Variants in STX8 observed in about 807,000 individuals in gnomAD.
STX8 encodes syntaxin-8.
In STX8, 23 loss-of-function variants were observed where a neutral mutation model predicts 37.5. The ratio of observed to expected loss-of-function variants is 0.61; its 90% CI spans 0.44 to 0.87. The LOEUF (loss-of-function observed/expected upper bound fraction) is 0.87. Among genes scored for constraint, STX8 ranks in the 40% least tolerant of loss-of-function variants. The probability of loss-of-function intolerance (pLI) is 0.00; values close to 1 mark genes in which losing one functional copy is unlikely to be tolerated. For synonymous variants in STX8, 115 were observed against 99.1 expected (o/e 1.16, Z -0.95); for missense variants, 313 against 284.7 (o/e 1.10, Z -0.71).
rs1908055698 is a variant in STX8 at position 9,285,901 on chromosome 17, G to A, written c.644-35256C>T. 2.6e-5 allele frequency among the ~76,000 whole-genome samples: 4 copies of A among 152,136 alleles called. No homozygotes were observed. The South Asian group carries it at 8.3e-4, about 31-fold the overall frequency. ...ATACCTTCACATTTTCCCTTCAAAA[G>A]TGACTAATTTACTCAATACTTCTGA... On this transcript the variant is annotated intron_variant, in intron 7 of 7. Transcript: ENST00000306357.
intron 7 of STX8, among the ~76,000 whole-genome samples, chr17:9,367,877 C>A (rs1184438590): frequency 6.6e-6 from 1 of 152,036 alleles, no homozygotes; most frequent in African/African-American, 2.4e-5. Flanking sequence ...ATTACAGGCA[C>A]CTGCCATTAG....
At chr17:9,512,695 A>T (rs1905053736) in intron 4 of STX8, among the ~76,000 whole-genome samples, 1 of 152,080 alleles carries the variant, frequency 6.6e-6, no homozygotes, top group Non-Finnish European at 1.5e-5. Flanking sequence ...TGCCCACCTC[A>T]GCCTCCCAAA....
rs559412819 is a variant in STX8 at position 9,420,147 on chromosome 17, T to A, written c.542-41494A>T. Among the ~76,000 whole-genome samples, 14 of 152,332 alleles carry A rather than the reference T, an allele frequency of 9.2e-5. No homozygotes were observed. In the South Asian group the frequency reaches 1.9e-3, roughly 20 times the overall value. The stretch of plus-strand genomic sequence containing the variant: ...CATGAGCTCAATGTGTATTCTTAGA[T>A]GGGTAACCCCATGGCACAGGGACCG... On this transcript the variant is annotated intron_variant, in intron 6 of 7. Coordinates refer to ENST00000306357, the MANE Select transcript of STX8 (RefSeq NM_004853.3).
chr17:9,455,302 A>G (rs1438634544), intron 6 of STX8, among the ~76,000 whole-genome samples: 2 of 152,098 alleles, frequency 1.3e-5, no homozygotes, highest in African/African-American at 4.8e-5. Flanking sequence ...GATTGAAACC[A>G]TCCTGCCTAA....
At chr17:9,425,898 C>T (rs953222737) in intron 6 of STX8, among the ~76,000 whole-genome samples, 5 of 152,130 alleles carry the variant, frequency 3.3e-5, no homozygotes, top group African/African-American at 1.2e-4. Context: ...ACAGATGAGC[C>T]AGTCTCAATC....
intron 4 of STX8, among the ~76,000 whole-genome samples, chr17:9,534,740 AT>A (rs1905960261): frequency 6.6e-6 from 1 of 152,064 alleles, no homozygotes; most frequent in Non-Finnish European, 1.5e-5. Flanking sequence ...GTCAGCCGAG[AT>A]TGCGCCACTG....
chr17:9,465,227 T>C (rs1171355186), intron 6 of STX8, among the ~76,000 whole-genome samples: 1 of 152,018 alleles, frequency 6.6e-6, no homozygotes, highest in Non-Finnish European at 1.5e-5. Context: ...ATGTCAGGCA[T>C]GTTATTTTCA....
chr17:9,347,080 T>C (rs1172061435), intron 7 of STX8, among the ~76,000 whole-genome samples: 1 of 149,972 alleles, frequency 6.7e-6, no homozygotes, highest in Admixed American at 6.7e-5. Context: ...TGAGCTGAGA[T>C]CACACCATTG....
chr17:9,439,933 C>T (rs879679156), intron 6 of STX8, among the ~76,000 whole-genome samples: 1 of 152,046 alleles, frequency 6.6e-6, no homozygotes, highest in Admixed American at 6.6e-5. Flanking sequence ...AAAGTACCCC[C>T]GGCATATAGG....
At chr17:9,275,899 C>T (rs1234047781) in intron 7 of STX8, among the ~76,000 whole-genome samples, 3 of 151,396 alleles carry the variant, frequency 2.0e-5, no homozygotes, top group African/African-American at 4.9e-5. Flanking sequence ...AAAAAAAGGG[C>T]GGGGGATAAC....
chr17:9,368,827 C>T (rs573878041), intron 7 of STX8, among the ~76,000 whole-genome samples: 5 of 152,280 alleles, frequency 3.3e-5, no homozygotes, highest in Admixed American at 3.3e-4. Flanking sequence ...GAGCCCTTGG[C>T]TGACTCAGAC....
intron 4 of STX8, among the ~76,000 whole-genome samples, chr17:9,539,255 AAGAGAAAAG>A (rs971115743): frequency 6.6e-3 from 2 of 304 alleles, no homozygotes; most frequent in Non-Finnish European, 0.071. Flanking sequence ...TATGAGGAAG[AAGAGAAAAG>A]AGGGAAAAGA....
chr17:9,560,673 AC>A (rs1671387157), intron 2 of STX8, among the ~76,000 whole-genome samples: 1 of 152,080 alleles, frequency 6.6e-6, no homozygotes, highest in Non-Finnish European at 1.5e-5. Flanking sequence ...CTATAAACAT[AC>A]ATGTCTACTT....
chr17:9,276,471 C>G (rs2142146005), intron 7 of STX8, among the ~76,000 whole-genome samples: 1 of 152,200 alleles, frequency 6.6e-6, no homozygotes, highest in East Asian at 1.9e-4. Context: ...TCAAGGAATA[C>G]ATTTCTAATT....
At position 9,565,589 on chromosome 17, in the gene STX8, C is replaced by G. The variant is rs538540202; in HGVS notation, c.117+2782G>C. ...TGAGATCATGTCACTGCACTCCAGC[C>G]TAGGTGAGAAGAAACACCGTCTCAA... On this transcript the variant is annotated intron_variant, in intron 2 of 7. Coordinates refer to ENST00000306357, the MANE Select transcript of STX8 (RefSeq NM_004853.3). 5.7e-3 allele frequency among the ~76,000 whole-genome samples: 500 copies of G among 87,342 alleles called. 3 individuals are homozygous for G. Among genetic ancestry groups the G allele is most frequent in the African/African-American group, 0.03 (481 of 15,824 alleles). The allele number at this position is 87,342 out of a possible 152,430, so 57.3% of individuals were successfully genotyped here.
intron 7 of STX8, among the ~76,000 whole-genome samples, chr17:9,334,676 A>G (rs1910081210): frequency 6.6e-6 from 1 of 152,214 alleles, no homozygotes; most frequent in Non-Finnish European, 1.5e-5. Context: ...ATAACAGAAT[A>G]TCACAGACTA....
At chr17:9,394,129 A>AG (rs1912318795) in intron 6 of STX8, among the ~76,000 whole-genome samples, 1 of 152,116 alleles carries the variant, frequency 6.6e-6, no homozygotes, top group Non-Finnish European at 1.5e-5. Flanking sequence ...CAAAGAAAAA[A>AG]CCCACACTGT....
intron 6 of STX8, among the ~76,000 whole-genome samples, chr17:9,411,178 A>C (rs1278078311): frequency 6.6e-6 from 1 of 152,190 alleles, no homozygotes; most frequent in Non-Finnish European, 1.5e-5. Context: ...TCACTTCTGA[A>C]AGGACCACAA....
chr17:9,428,361 C>T (rs1200663605), intron 6 of STX8, among the ~76,000 whole-genome samples: 1 of 152,184 alleles, frequency 6.6e-6, no homozygotes, highest in African/African-American at 2.4e-5. Flanking sequence ...CTGCCTCAGC[C>T]TCCCGAGTAG....
Sources: gnomAD v4.1 joint callset for allele counts (sites outside exome capture counted in the v4.1 genomes callset) on GRCh38, gnomAD v4.1.1 for gene constraint, MANE v1.5 for transcripts, NCBI Gene and HGNC (gene_info 2026-07-23, HGNC 2026-07-21) for gene names.